The following ALK variants were observed in gnomAD, a reference collection of about 807,000 sequenced individuals.
ALK encodes ALK receptor tyrosine kinase, also known as ALK tyrosine kinase receptor.
ALK carries 74 observed loss-of-function variants against 163.1 expected under a neutral mutation model. The observed-to-expected ratio is 0.45, with a 90% CI of 0.38 to 0.55. The LOEUF is 0.55. ALK is among the 20% of genes least tolerant of loss of function. The pLI is 0.00. For missense variants in ALK, 2,063 were observed against 2,105.3 expected, an observed-to-expected ratio of 0.98 and a Z score of 0.39; for synonymous variants, 960 against 843.2, an observed-to-expected ratio of 1.14 and a Z score of -2.40.
At chr2:29,540,018 AAATAGTGGATATAGTAGTT>A (rs1673370640) in intron 3 of ALK, among the ~76,000 whole-genome samples, 1 of 152,176 alleles carries the variant, frequency 6.6e-6, no homozygotes, top group African/African-American at 2.4e-5. Flanking sequence ...TTGTAGGACA[AAATAGTGGATATAGTAGTT>A]AATAGTGGAT....
chr2:29,510,899 C>G (rs572620223), intron 4 of ALK, among the ~76,000 whole-genome samples: 12 of 152,286 alleles, frequency 7.9e-5, no homozygotes, highest in African/African-American at 2.9e-4. Context: ...TGTTCTCTAG[C>G]TGTGTCTGCA....
intron 18 of ALK, 99 bp downstream of exon 18, chr2:29,226,823 A>G: frequency 2.7e-6 from 4 of 1,501,238 alleles, no homozygotes; most frequent in Non-Finnish European, 2.8e-6. Context: ...AGTTTACAAA[A>G]CCGAATCCAG....
At chr2:29,317,819 C>CT (rs1320504624) in intron 8 of ALK, among the ~76,000 whole-genome samples, 17 of 29,256 alleles carry the variant, frequency 5.8e-4, no homozygotes, top group Non-Finnish European at 9.8e-4. Context: ...AGTCCCTCCA[C>CT]CCACACCAAT....
intron 23 of ALK, among the ~76,000 whole-genome samples, chr2:29,219,820 G>C (rs1032640013): frequency 6.6e-6 from 1 of 152,232 alleles, no homozygotes; most frequent in Non-Finnish European, 1.5e-5. Flanking sequence ...GCTGGAGCTT[G>C]GGATTCCTGG....
chr2:29,920,369 C>G lies in ALK; in HGVS notation c.291G>C (p.Pro97=), dbSNP rs2148443574. 6.4e-7 allele frequency: 1 copy of G among 1,557,106 alleles called. No individual in the cohort carries two copies. The highest frequency in any genetic ancestry group is 8.7e-7 in the Non-Finnish European group (1 of 1,151,636). ...ARGSLALDCA[P]LLRLLGPAPG... is the part of the protein sequence containing the mutation. Reference sequence around the variant, plus strand: ...GCGCCGGCCCCAGCAACCTGAGCAGCGGGGCGCAGTCCAGAGCTAGCGAGC... The same window carrying G: ...GCGCCGGCCCCAGCAACCTGAGCAGGGGGGCGCAGTCCAGAGCTAGCGAGC... Residue 97 remains proline (P), a synonymous_variant, in exon 1 of 29, where the codon CCG becomes CCC. Coordinates refer to ENST00000389048, the MANE Select transcript of ALK (RefSeq NM_004304.5).
intron 5 of ALK, among the ~76,000 whole-genome samples, chr2:29,344,804 G>C (rs1667898390): frequency 1.3e-5 from 2 of 152,194 alleles, no homozygotes; most frequent in Admixed American, 6.5e-5. Context: ...CAGCCAGGGG[G>C]CAAAAGAAGG....
chr2:29,545,025 C>A (rs972072126), intron 3 of ALK, among the ~76,000 whole-genome samples: 9 of 152,160 alleles, frequency 5.9e-5, no homozygotes, highest in African/African-American at 2.2e-4. Flanking sequence ...TGATAGAAAT[C>A]TACGAAGGTG....
intron 25 of ALK, among the ~76,000 whole-genome samples, chr2:29,208,922 AAT>A (rs1271960494): frequency 1.3e-5 from 2 of 152,144 alleles, no homozygotes; most frequent in African/African-American, 4.8e-5. Context: ...TGAAAAAAAA[AAT>A]AATTTTTAAA....
At chr2:29,909,480 CAGAGAGAGAGAGAGAGAGAGAG>C (rs369360033) in intron 1 of ALK, among the ~76,000 whole-genome samples, 1 of 135,890 alleles carries the variant, frequency 7.4e-6, no homozygotes, top group African/African-American at 2.7e-5. Context: ...GACAGACAGA[CAGAGAGAGAGAGAGAGAGAGAG>C]AGAGAGAGAG....
intron 3 of ALK, among the ~76,000 whole-genome samples, chr2:29,687,171 G>A (rs931090512): frequency 6.6e-6 from 1 of 152,042 alleles, no homozygotes; most frequent in Non-Finnish European, 1.5e-5. Context: ...ACTGAAGTGG[G>A]TGTGTTTCTG....
rs201544645 is a variant in ALK, at chr2:29,252,834, TA to T, written c.2042-1568del. Among the ~76,000 whole-genome samples, 509 of 139,236 alleles carry T rather than the reference TA, an allele frequency of 3.7e-3. 4 individuals carry two copies. The highest frequency in any genetic ancestry group is 4.6e-3 in the African/African-American group (151 of 32,564). The allele number at this position is 139,236 out of a possible 152,430, so 91.3% of individuals were successfully genotyped here. A position where few individuals can be genotyped will look rare whatever the true frequency, so the allele number is the denominator to read the frequency against. The stretch of plus-strand genomic sequence containing the variant: ...ATTGTTAGTTTCCTGATTTTTTATT[TA>T]TTTTTTTTTAGACACAGGGTCTCAC... On this transcript the variant is annotated intron_variant, in intron 11 of 28. Coordinates refer to ENST00000389048, the MANE Select transcript of ALK (RefSeq NM_004304.5).
intron 9 of ALK, among the ~76,000 whole-genome samples, chr2:29,280,606 C>T (rs189057274): frequency 6.1e-5 from 9 of 148,580 alleles, no homozygotes; most frequent in African/African-American, 2.0e-4. Flanking sequence ...CTAGTATGTA[C>T]CAGGTGGACC....
chr2:29,209,763 G>A (rs2148154918), intron 25 of ALK, 23 bp downstream of exon 25: 5 of 1,580,542 alleles, frequency 3.2e-6, no homozygotes, highest in South Asian at 1.1e-5. Context: ...CAGGCCCGGA[G>A]GGGTGAGGCA....
chr2:29,878,767 G>T (rs1351485656), intron 1 of ALK, among the ~76,000 whole-genome samples: 2 of 152,186 alleles, frequency 1.3e-5, no homozygotes, highest in Non-Finnish European at 2.9e-5. Flanking sequence ...AGACACAGCA[G>T]AGAGCTGGGT....
At chr2:29,705,484 G>C (rs1188415276) in intron 2 of ALK, among the ~76,000 whole-genome samples, 2 of 151,492 alleles carry the variant, frequency 1.3e-5, no homozygotes, top group Non-Finnish European at 2.9e-5. Flanking sequence ...AGGACCCAGG[G>C]AGAAGCAGGC....
intron 26 of ALK, among the ~76,000 whole-genome samples, chr2:29,203,641 C>A (rs113014677): frequency 0.012 from 1,891 of 151,530 alleles, 25 homozygotes; most frequent in Middle Eastern, 0.031. Context: ...CACCCGCCAC[C>A]ACGCCCAGCT....
At chr2:29,913,722 T>A (rs1667764790) in intron 1 of ALK, among the ~76,000 whole-genome samples, 1 of 152,156 alleles carries the variant, frequency 6.6e-6, no homozygotes, top group Non-Finnish European at 1.5e-5. Context: ...GATTGAGGGA[T>A]CTTCCTGAGG....
chr2:29,709,729 G>C (rs1340358783), intron 2 of ALK, among the ~76,000 whole-genome samples: 1 of 152,104 alleles, frequency 6.6e-6, no homozygotes, highest in Non-Finnish European at 1.5e-5. Flanking sequence ...ACCAGCTGCT[G>C]GTTGTGAATA....
intron 3 of ALK, among the ~76,000 whole-genome samples, chr2:29,586,183 T>C (rs1211660242): frequency 6.6e-6 from 1 of 152,192 alleles, no homozygotes; most frequent in Non-Finnish European, 1.5e-5. Flanking sequence ...TTTTTAAGTA[T>C]TCTTCTTTGA....
Sources: allele counts gnomAD v4.1 joint callset (sites outside exome capture counted in the v4.1 genomes callset), GRCh38; gene constraint gnomAD v4.1.1; transcripts MANE v1.5; gene names NCBI Gene and HGNC (gene_info 2026-07-23, HGNC 2026-07-21).